UBAP2: variants seen among roughly 807,000 people sequenced by gnomAD.
UBAP2 encodes the protein ubiquitin-associated protein 2.
In UBAP2, 75 loss-of-function variants were observed where a neutral mutation model predicts 139.6. The observed-to-expected ratio is 0.54, with a 90% CI of 0.45 to 0.65. The LOEUF (loss-of-function observed/expected upper bound fraction) is 0.65, where lower values mean the gene tolerates loss of function less well. Ranked by LOEUF, UBAP2 falls within the 30% of genes least tolerant of loss-of-function variation. The probability of loss-of-function intolerance (pLI) is 0.00; values close to 1 mark genes in which losing one functional copy is unlikely to be tolerated. For missense variants in UBAP2, 1,368 were observed against 1,369.6 expected (o/e 1.00, Z 0.02); for synonymous variants, 526 against 526.2 (o/e 1.00, Z 0.01).
intron 4 of UBAP2, among the ~76,000 whole-genome samples, chr9:33,993,987 C>T (rs1821937191): frequency 6.6e-6 from 1 of 150,970 alleles, no homozygotes; most frequent in African/African-American, 2.4e-5. Flanking sequence ...CTCTGCTTCC[C>T]GGGTTCAAGC....
intron 1 of UBAP2, among the ~76,000 whole-genome samples, chr9:34,046,372 G>A (rs1827582490): frequency 6.6e-6 from 1 of 151,872 alleles, no homozygotes. Flanking sequence ...GCTTCATGCC[G>A]GGCGGGGTGG....
rs994441130 is a variant in UBAP2, at chr9:33,979,928, C to T, written c.521-6691G>A. On this transcript the variant is annotated intron_variant, in intron 6 of 28. Transcript: ENST00000379238. Reference sequence around the variant, plus strand: ...CTCTACTAAAAATACAAAAAATTAGCCGGGCATGGTGGCACACTCCTGTAG... The same window carrying T: ...CTCTACTAAAAATACAAAAAATTAGTCGGGCATGGTGGCACACTCCTGTAG... Among the ~76,000 whole-genome samples the T allele has an allele frequency of 5.4e-5, 8 of 149,326 alleles. No individual in the cohort carries two copies. In the Admixed American group the frequency reaches 5.4e-4, roughly 10 times the overall value.
chr9:33,988,915 C>T (rs1017798294), intron 5 of UBAP2, 58 bp downstream of exon 5: 9 of 1,548,946 alleles, frequency 5.8e-6, no homozygotes, highest in Admixed American at 2.0e-5. Flanking sequence ...GAGGCTGAGG[C>T]GGGAGGGTCA....
At chr9:34,014,918 G>A (rs1824116104) in intron 2 of UBAP2, among the ~76,000 whole-genome samples, 1 of 152,116 alleles carries the variant, frequency 6.6e-6, no homozygotes, top group Non-Finnish European at 1.5e-5. Flanking sequence ...CAGAGTAAGT[G>A]TATTTAGGAT....
intron 8 of UBAP2, chr9:33,968,438 G>GCT: frequency 1.8e-6 from 1 of 560,134 alleles, no homozygotes; most frequent in East Asian, 4.7e-5. Flanking sequence ...CATGGCCGAG[G>GCT]GCATGTGCAG....
chr9:33,941,616 A>T, intron 16 of UBAP2, 33 bp downstream of exon 16: 1 of 1,552,086 alleles, frequency 6.4e-7, no homozygotes, highest in Non-Finnish European at 8.9e-7. Flanking sequence ...TAAGACGGAC[A>T]TCTTCTGAGA....
At chr9:33,978,735 G>C (rs1165068864) in intron 6 of UBAP2, among the ~76,000 whole-genome samples, 1 of 152,068 alleles carries the variant, frequency 6.6e-6, no homozygotes, top group South Asian at 2.1e-4. Context: ...AGCCGAGATT[G>C]TGCCACTGCA....
At chr9:33,980,367 G>T (rs2131097594) in intron 6 of UBAP2, among the ~76,000 whole-genome samples, 1 of 148,852 alleles carries the variant, frequency 6.7e-6, no homozygotes, top group East Asian at 2.0e-4. Flanking sequence ...TGAGTAGCTG[G>T]GACTACAGGC....
chr9:33,970,334 C>A (rs900510798), intron 8 of UBAP2, among the ~76,000 whole-genome samples: 18 of 152,020 alleles, frequency 1.2e-4, no homozygotes, highest in African/African-American at 2.9e-4. Context: ...ATTTTGTTGA[C>A]CCTCTTTACA....
chr9:34,016,832 A>G (rs1010385274), intron 2 of UBAP2, among the ~76,000 whole-genome samples: 4 of 152,100 alleles, frequency 2.6e-5, no homozygotes, highest in Non-Finnish European at 5.9e-5. Context: ...TGCTGGGATT[A>G]CAGGCGTGAG....
At chr9:34,040,943 A>C (rs761247294) in intron 1 of UBAP2, among the ~76,000 whole-genome samples, 4 of 152,190 alleles carry the variant, frequency 2.6e-5, no homozygotes, top group Non-Finnish European at 4.4e-5. Flanking sequence ...TTACTTAGTA[A>C]AAGTTACACA....
chr9:33,964,470 G>A (rs985462681), intron 8 of UBAP2, among the ~76,000 whole-genome samples: 3 of 152,132 alleles, frequency 2.0e-5, no homozygotes, highest in Admixed American at 6.5e-5. Flanking sequence ...TCAACATTCT[G>A]CTTCAACACT....
At chr9:34,033,144 A>G (rs945166086) in intron 1 of UBAP2, among the ~76,000 whole-genome samples, 2 of 152,158 alleles carry the variant, frequency 1.3e-5, no homozygotes, top group Admixed American at 6.6e-5. Flanking sequence ...GGAAATCAGT[A>G]TATTGAAGAA....
chr9:34,021,074 T>C (rs1824899687), intron 1 of UBAP2, among the ~76,000 whole-genome samples: 2 of 152,214 alleles, frequency 1.3e-5, no homozygotes, highest in Admixed American at 1.3e-4. Context: ...ATTACAACAT[T>C]TCTACATATT....
intron 6 of UBAP2, among the ~76,000 whole-genome samples, chr9:33,980,381 C>T (rs1244440424): frequency 6.0e-5 from 9 of 149,458 alleles, no homozygotes; most frequent in African/African-American, 1.7e-4. Flanking sequence ...TACAGGCGCC[C>T]GCCACCACAC....
chr9:34,014,759 G>A (rs995058606), intron 2 of UBAP2, among the ~76,000 whole-genome samples: 1 of 123,418 alleles, frequency 8.1e-6, no homozygotes, highest in Non-Finnish European at 1.6e-5. Flanking sequence ...TGGCCACTGC[G>A]ACAGACTCCG....
chr9:34,030,856 G>A (rs1825829381), intron 1 of UBAP2, among the ~76,000 whole-genome samples: 1 of 151,932 alleles, frequency 6.6e-6, no homozygotes, highest in Non-Finnish European at 1.5e-5. Context: ...CATGAACCCA[G>A]GAGGCGGAGC....
At chr9:33,926,967 AG>A (rs1359508533) in intron 21 of UBAP2, 21 bp downstream of exon 21, 2 of 1,611,618 alleles carry the variant, frequency 1.2e-6, no homozygotes, top group Non-Finnish European at 1.7e-6. Flanking sequence ...TGGGCAGGCC[AG>A]GAGTTCCGCC....
intron 1 of UBAP2, among the ~76,000 whole-genome samples, chr9:34,042,267 A>G (rs1289906244): frequency 6.6e-6 from 1 of 151,646 alleles, no homozygotes; most frequent in Non-Finnish European, 1.5e-5. Context: ...TCATGAGGTC[A>G]GGAGTTTGAG....
Sources: allele counts gnomAD v4.1 joint callset (sites outside exome capture counted in the v4.1 genomes callset), GRCh38; gene constraint gnomAD v4.1.1; transcripts MANE v1.5; gene names NCBI Gene and HGNC (gene_info 2026-07-23, HGNC 2026-07-21).